ARHGEF3: variants seen among roughly 807,000 people sequenced by gnomAD.
ARHGEF3 encodes the protein 59.8 kDA protein.
In ARHGEF3, 28 loss-of-function variants were observed where a neutral mutation model predicts 63.2. That is an observed-to-expected ratio of 0.44 (90% CI 0.33 to 0.61). The LOEUF (loss-of-function observed/expected upper bound fraction) is 0.61. ARHGEF3 is among the 20% of genes least tolerant of loss of function. The pLI is 0.03. For synonymous variants in ARHGEF3, 266 were observed against 254.2 expected (o/e 1.05, Z -0.44); for missense variants, 533 against 659.3 (o/e 0.81, Z 2.10).
At chr3:56,817,232 T>C (rs2038306060) in intron 4 of ARHGEF3, among the ~76,000 whole-genome samples, 1 of 152,114 alleles carries the variant, frequency 6.6e-6, no homozygotes, top group Non-Finnish European at 1.5e-5. Flanking sequence ...AGGTGAAGAT[T>C]AGAGAGAAAC....
intron 2 of ARHGEF3, among the ~76,000 whole-genome samples, chr3:56,999,372 C>G (rs34597334): frequency 0.14 from 21,978 of 152,158 alleles, 2,049 homozygotes; most frequent in Non-Finnish European, 0.2. Flanking sequence ...TAATCATACA[C>G]TTATCTAAGA....
chr3:57,013,997 C>T (rs112823023), intron 2 of ARHGEF3, among the ~76,000 whole-genome samples: 4,832 of 152,294 alleles, frequency 0.032, 282 homozygotes, highest in African/African-American at 0.11. Flanking sequence ...TGCTGCTGCT[C>T]ACTCTTTGGA....
intron 2 of ARHGEF3, among the ~76,000 whole-genome samples, chr3:56,976,486 C>A (rs1701131680): frequency 2.6e-5 from 4 of 152,134 alleles, no homozygotes; most frequent in Non-Finnish European, 5.9e-5. Flanking sequence ...ATATTTTATT[C>A]AATACTATAT....
intron 8 of ARHGEF3, among the ~76,000 whole-genome samples, chr3:56,734,802 C>T (rs555420469): frequency 1.1e-4 from 16 of 152,058 alleles, no homozygotes; most frequent in Non-Finnish European, 2.4e-4. Flanking sequence ...GACTGAAAAA[C>T]AGGATAAAGC....
intron 1 of ARHGEF3, among the ~76,000 whole-genome samples, chr3:57,071,986 G>A (rs116339398): frequency 6.5e-4 from 99 of 152,218 alleles, no homozygotes; most frequent in African/African-American, 2.3e-3. Flanking sequence ...CTCCAAAGAA[G>A]ATACACAAAT....
chr3:57,036,230 G>A (rs150158187), intron 1 of ARHGEF3, among the ~76,000 whole-genome samples: 76 of 152,276 alleles, frequency 5.0e-4, no homozygotes, highest in African/African-American at 1.8e-3. Context: ...CAAGAGCAGA[G>A]CACTGGGCAC....
chr3:56,977,430 C>T (rs1304695682), intron 2 of ARHGEF3: 3 of 412,052 alleles, frequency 7.3e-6, no homozygotes, highest in South Asian at 5.3e-5. Context: ...ATGGCAACCA[C>T]ACTTTATGAC....
At chr3:56,973,060 A>G (rs988416949) in intron 2 of ARHGEF3, among the ~76,000 whole-genome samples, 1 of 149,742 alleles carries the variant, frequency 6.7e-6, no homozygotes, top group Non-Finnish European at 1.5e-5. Context: ...TCTGTCGCCC[A>G]GGCTGGAGTG....
chr3:57,054,277 T>A (rs1424460123), intron 1 of ARHGEF3, among the ~76,000 whole-genome samples: 1 of 152,100 alleles, frequency 6.6e-6, no homozygotes, highest in Non-Finnish European at 1.5e-5. Context: ...CAAATGTTTT[T>A]GTGGTCATTT....
At chr3:56,839,654 G>A (rs1162131681) in intron 4 of ARHGEF3, among the ~76,000 whole-genome samples, 1 of 152,138 alleles carries the variant, frequency 6.6e-6, no homozygotes. Flanking sequence ...TGAGGTCTTG[G>A]TTGTCTAATC....
At chr3:56,822,244 A>C (rs921838354) in intron 4 of ARHGEF3, among the ~76,000 whole-genome samples, 2 of 152,216 alleles carry the variant, frequency 1.3e-5, no homozygotes, top group African/African-American at 4.8e-5. Context: ...ACAGATGAAG[A>C]AAGCAAGCCC....
intron 2 of ARHGEF3, among the ~76,000 whole-genome samples, chr3:56,983,350 G>A (rs1701403994): frequency 6.6e-6 from 1 of 152,026 alleles, no homozygotes; most frequent in African/African-American, 2.4e-5. Flanking sequence ...GGGCTCTTGG[G>A]GTCTCCATCC....
intron 3 of ARHGEF3, among the ~76,000 whole-genome samples, chr3:56,882,943 T>C (rs2040818285): frequency 6.6e-6 from 1 of 152,262 alleles, no homozygotes; most frequent in South Asian, 2.1e-4. Flanking sequence ...TTCATTTTTT[T>C]CTAAATGTCT....
chr3:56,935,802 G>A (rs1698874085), intron 3 of ARHGEF3, among the ~76,000 whole-genome samples: 1 of 152,190 alleles, frequency 6.6e-6, no homozygotes, highest in African/African-American at 2.4e-5. Context: ...TGAAGTCAGT[G>A]AGACCAAGAA....
At chr3:56,891,122 A>G (rs2041101781) in intron 3 of ARHGEF3, among the ~76,000 whole-genome samples, 1 of 151,744 alleles carries the variant, frequency 6.6e-6, no homozygotes, top group Non-Finnish European at 1.5e-5. Flanking sequence ...CTCCAGTCTG[A>G]AGCTCCAGAA....
At chr3:57,039,437 G>A (rs547872321) in intron 1 of ARHGEF3, among the ~76,000 whole-genome samples, 1 of 152,286 alleles carries the variant, frequency 6.6e-6, no homozygotes, top group South Asian at 2.1e-4. Flanking sequence ...GTACGCACGT[G>A]CACCAAGAGA....
chr3:56,934,301 C>G (rs1447324350), intron 3 of ARHGEF3, among the ~76,000 whole-genome samples: 3 of 152,378 alleles, frequency 2.0e-5, no homozygotes, highest in Non-Finnish European at 2.9e-5. Flanking sequence ...TGACAGCGTG[C>G]TGGCAGTCCT....
chr3:56,968,278 A>G (rs1477121068), intron 2 of ARHGEF3, among the ~76,000 whole-genome samples: 1 of 27,074 alleles, frequency 3.7e-5, no homozygotes, highest in African/African-American at 9.4e-5. Context: ...TAATATATAA[A>G]ATATATATAA....
At chr3:57,023,309 A>T (rs1356217786) in intron 2 of ARHGEF3, among the ~76,000 whole-genome samples, 1 of 152,064 alleles carries the variant, frequency 6.6e-6, no homozygotes, top group Non-Finnish European at 1.5e-5. Context: ...ATTTTTCATG[A>T]GTTCACCTCT....
Sources: allele counts gnomAD v4.1 joint callset (sites outside exome capture counted in the v4.1 genomes callset), GRCh38; gene constraint gnomAD v4.1.1; transcripts MANE v1.5; gene names NCBI Gene and HGNC (gene_info 2026-07-23, HGNC 2026-07-21).